PHRF1: variants seen among roughly 807,000 people sequenced by gnomAD.
The protein encoded by PHRF1 is PHD and RING finger domain-containing protein 1.
In PHRF1, 53 loss-of-function variants were observed where a neutral mutation model predicts 128.9. That is an observed-to-expected ratio of 0.41 (90% confidence interval 0.33 to 0.52). The LOEUF (loss-of-function observed/expected upper bound fraction) is 0.52. Among genes scored for constraint, PHRF1 ranks in the 20% least tolerant of loss-of-function variants. PHRF1 has a pLI of 0.21. For synonymous variants in PHRF1, 1,178 were observed against 980.6 expected, an observed-to-expected ratio of 1.20 and a Z score of -3.76; for missense variants, 2,503 against 2,284.5, an observed-to-expected ratio of 1.10 and a Z score of -1.95.
chr11:595,041 G>T (rs1855201563), intron 6 of PHRF1, among the ~76,000 whole-genome samples: 1 of 152,266 alleles, frequency 6.6e-6, no homozygotes, highest in Non-Finnish European at 1.5e-5. Context: ...AAAATCACAC[G>T]TCTAAAATTA....
chr11:579,407 G>A (rs976114413), intron 1 of PHRF1, among the ~76,000 whole-genome samples: 17 of 152,224 alleles, frequency 1.1e-4, no homozygotes, highest in Admixed American at 7.2e-4. Flanking sequence ...GAGCAGGGTA[G>A]GTGTTGGAGC....
intron 17 of PHRF1, 118 bp from the exon 18 acceptor site, chr11:611,516 C>T (rs1467055968): frequency 3.5e-6 from 5 of 1,428,702 alleles, no homozygotes; most frequent in Non-Finnish European, 4.8e-6. Context: ...TGTCTGCGTG[C>T]TGCACCTAGG....
Position 591,471 on chromosome 11 carries a change from A to C in PHRF1, c.504+4A>C. The C allele has an allele frequency of 8.7e-6, 14 of 1,604,358 alleles. No individual in the cohort carries two copies. Among genetic ancestry groups the C allele is most frequent in the Non-Finnish European group, 1.2e-5 (14 of 1,175,254 alleles). ...TGGTGGTAAAATCTTAAGAAAGGTG[A>C]GTGTGGACGCTGCCGTGGAGGCCCC... is the stretch of plus-strand genomic sequence containing the variant. On this transcript the variant is annotated splice_donor_region_variant and intron_variant, in intron 5 of 17. Transcript: ENST00000264555.
At chr11:595,016 G>A (rs970937257) in intron 6 of PHRF1, among the ~76,000 whole-genome samples, 1 of 152,154 alleles carries the variant, frequency 6.6e-6, no homozygotes, top group Non-Finnish European at 1.5e-5. Flanking sequence ...CAAATTTTCA[G>A]TTAAGTCTGA....
At chr11:600,776 C>T (rs1855581662) in intron 9 of PHRF1, among the ~76,000 whole-genome samples, 1 of 151,924 alleles carries the variant, frequency 6.6e-6, no homozygotes, top group South Asian at 2.1e-4. Flanking sequence ...ACCATCCTGG[C>T]TAACACGGTG....
At position 598,459 on chromosome 11, in the gene PHRF1, C is replaced by T; in HGVS notation, c.981C>T (p.Arg327=). 1 of 1,610,552 alleles carries T rather than the reference C, an allele frequency of 6.2e-7. No individual in the cohort carries two copies. The highest frequency in any genetic ancestry group is 8.5e-7 in the Non-Finnish European group (1 of 1,179,662). Residue 327 remains arginine, a synonymous_variant, in exon 9 of 18, where the codon CGC becomes CGT. Coordinates refer to ENST00000264555, the MANE Select transcript of PHRF1 (RefSeq NM_001286581.2). ...GCCTGAGCACTGCCGTGTATCAGCG[C>T]CCCCTGACGCCGCGCACTCCCGCCC... ...ATGLSTAVYQ[R]PLTPRTPARR...
chr11:589,134 CAA>C (rs1226095605), intron 4 of PHRF1, among the ~76,000 whole-genome samples: 13 of 124,940 alleles, frequency 1.0e-4, no homozygotes, highest in South Asian at 2.5e-4. Context: ...GACACTGTCT[CAA>C]AAAAAAAAAA....
At chr11:598,247 C>T (rs944965166) in intron 8 of PHRF1, 126 bp from the exon 9 acceptor site, 76 of 1,308,948 alleles carry the variant, frequency 5.8e-5, no homozygotes, top group East Asian at 1.6e-4. Context: ...GCTGCAGTGG[C>T]GGGTGGGGAG....
Position 605,651 on chromosome 11 carries a change from A to G in PHRF1, c.1381A>G (p.Arg461Gly). Residue 461 changes from arginine to glycine, a missense_variant, in exon 12 of 18, where the codon AGA (arginine) becomes GGA (glycine). Arg to Gly is a moderately radical substitution (Grantham distance 125, BLOSUM62 -2). Transcript: ENST00000264555. ...ANPLSPLSAK[R>G]RALSRSALQS... is the part of the protein sequence containing the mutation. Reference sequence around the variant, plus strand: ...CCCTCTTTCCCCTCTGAGTGCCAAGAGACGGGCTCTGTCCCGGTCAGCCCT... The same window carrying G: ...CCCTCTTTCCCCTCTGAGTGCCAAGGGACGGGCTCTGTCCCGGTCAGCCCT... The G allele has an allele frequency of 6.2e-7, 1 of 1,613,686 alleles. No individual in the cohort carries two copies. The highest frequency in any genetic ancestry group is 8.5e-7 in the Non-Finnish European group (1 of 1,179,878).
At chr11:593,540 C>T (rs958613869) in intron 6 of PHRF1, among the ~76,000 whole-genome samples, 1 of 152,264 alleles carries the variant, frequency 6.6e-6, no homozygotes, top group Non-Finnish European at 1.5e-5. Context: ...CGCTTGTGCC[C>T]CCACCTGTCA....
chr11:583,479 C>G (rs1209920317), intron 3 of PHRF1, among the ~76,000 whole-genome samples: 2 of 150,610 alleles, frequency 1.3e-5, no homozygotes, highest in African/African-American at 4.9e-5. Context: ...ATCACGCCAC[C>G]ACACTCCAGC....
In PHRF1 at chr11:597,104, G is replaced by C; in HGVS notation, c.718+84G>C. 3 of 1,392,476 alleles carry C rather than the reference G, an allele frequency of 2.2e-6. No individual in the cohort carries two copies. Among genetic ancestry groups the C allele is most frequent in the Admixed American group, 3.9e-5 (2 of 51,008 alleles). 86.3% of individuals were successfully genotyped at this position (1,392,476 alleles called of 1,614,324 possible). A position where few individuals can be genotyped will look rare whatever the true frequency, so the allele number is the denominator to read the frequency against. ...GTCCCCGGGGTTAGGTTTGGCTGCT[G>C]TGTGGGGAGGACATCTAGGGCTGTC... On this transcript the variant is annotated intron_variant, in intron 7 of 17. Transcript: ENST00000264555. The surrounding 1 kb of genome is among the most constrained non-coding windows in gnomAD (Gnocchi z 6.5).
Position 605,225 on chromosome 11 carries a change from G to A in PHRF1, c.1259G>A (p.Gly420Glu). Residue 420 changes from glycine to glutamate, a missense_variant, in exon 11 of 18, where the codon GGG becomes GAG. Physicochemically the swap from Gly to Glu is moderately conservative, Grantham distance 98 (BLOSUM62 -2). Coordinates refer to ENST00000264555, the MANE Select transcript of PHRF1 (RefSeq NM_001286581.2). ...TTGAAGCCAGTGGAGCCCTCTTTGG[G>A]GCTGCTGAGAGCGGATATTGGAGCT... ...SVLKPVEPSL[G>E]LLRADIGAAS... The A allele has an allele frequency of 6.2e-7, 1 of 1,613,552 alleles. No individual in the cohort carries two copies. The highest frequency in any genetic ancestry group is 8.5e-7 in the Non-Finnish European group (1 of 1,179,888).
At position 608,640 on chromosome 11, in the gene PHRF1, C is replaced by T; in HGVS notation, c.3184C>T (p.Arg1062Ter). The T allele has an allele frequency of 1.2e-6, 2 of 1,612,358 alleles. No homozygotes were observed. The highest frequency in any genetic ancestry group is 1.7e-6 in the Non-Finnish European group (2 of 1,179,790). ...RRSSSDRSSSRERAKRKKAKD... is the reference protein window; with the variant it reads ...RRSSSDRSSS ...GTCCTCCAGTGACCGCTCCAGCAGC[C>T]GAGAGCGAGCTAAGAGGAAGAAAGC... The change falls in exon 14 of 18, where the codon CGA becomes TGA. Residue 1062 changes from arginine to a stop codon, truncating the protein, a stop_gained. Transcript: ENST00000264555. LOFTEE classifies it high-confidence loss of function.
intron 3 of PHRF1, among the ~76,000 whole-genome samples, 184 bp downstream of exon 3, chr11:582,265 T>G (rs1468367423): frequency 2.8e-4 from 2 of 7,180 alleles, no homozygotes; most frequent in Non-Finnish European, 1.6e-3. Context: ...ACTTCATTTC[T>G]TTTTTTTTTT....
chr11:590,386 G>A (rs1241526964), intron 4 of PHRF1, among the ~76,000 whole-genome samples: 1 of 152,198 alleles, frequency 6.6e-6, no homozygotes, highest in Admixed American at 6.5e-5. Context: ...TCAGTGCTAG[G>A]GAGGGCAGAA....
rs779070127 is a variant in PHRF1 at position 608,263 on chromosome 11, C to T, written c.2807C>T (p.Ser936Phe). ...QGLAARLRRP[S>F]PPEPWDEEDG... ...CTGGCTGCCCGGCTGCGGAGGCCAT[C>T]CCCCCCAGAGCCCTGGGATGAGGAG... The change falls in exon 14 of 18, where the codon TCC (serine) becomes TTC (phenylalanine). Residue 936 changes from serine (S) to phenylalanine (F), a missense_variant. Transcript: ENST00000264555. The T allele has an allele frequency of 1.2e-6, 2 of 1,608,608 alleles. No individual in the cohort carries two copies. The highest frequency in any genetic ancestry group is 8.5e-7 in the Non-Finnish European group (1 of 1,179,260).
intron 12 of PHRF1, among the ~76,000 whole-genome samples, 197 bp from the exon 13 acceptor site, chr11:606,245 G>GCTCC (rs34424470): frequency 3.9e-5 from 6 of 152,140 alleles, no homozygotes; most frequent in Non-Finnish European, 4.4e-5. Flanking sequence ...GCGAGGTGGG[G>GCTCC]CTCCCTCCCT....
intron 10 of PHRF1, among the ~76,000 whole-genome samples, chr11:604,029 T>G (rs74478509): frequency 0.075 from 11,351 of 152,250 alleles, 602 homozygotes; most frequent in East Asian, 0.19. Context: ...AAATGCATTA[T>G]TCGAACATCC....
Sources: allele counts gnomAD v4.1 joint callset (sites outside exome capture counted in the v4.1 genomes callset), GRCh38; gene constraint gnomAD v4.1.1; non-coding constraint Gnocchi (gnomAD v3.1); transcripts MANE v1.5; gene names NCBI Gene and HGNC (gene_info 2026-07-23, HGNC 2026-07-21).